Variants in CACNA2D1 observed in about 807,000 individuals in gnomAD.
CACNA2D1 encodes voltage-dependent calcium channel subunit alpha-2/delta-1.
Under a neutral mutation model 171.5 loss-of-function variants are expected in CACNA2D1, and 53 were observed. The ratio of observed to expected loss-of-function variants is 0.31; its 90% CI spans 0.25 to 0.39. The LOEUF (loss-of-function observed/expected upper bound fraction) is 0.39, where lower values mean the gene tolerates loss of function less well. Ranked by LOEUF, CACNA2D1 falls within the 10% of genes least tolerant of loss-of-function variation. CACNA2D1 has a pLI of 1.00. For synonymous variants in CACNA2D1, 442 were observed against 443.1 expected (o/e 1.00, Z 0.03); for missense variants, 903 against 1,299.8 (o/e 0.69, Z 4.69).
At chr7:82,142,230 T>G (rs1439514059) in intron 4 of CACNA2D1, among the ~76,000 whole-genome samples, 6 of 152,234 alleles carry the variant, frequency 3.9e-5, no homozygotes. Context: ...GTTTAGTTAT[T>G]TATTATCTCC....
At chr7:82,316,174 A>G (rs983784115) in intron 3 of CACNA2D1, among the ~76,000 whole-genome samples, 2 of 152,158 alleles carry the variant, frequency 1.3e-5, no homozygotes, top group Admixed American at 1.3e-4. Flanking sequence ...GGTAGTTTTA[A>G]TTATTTTATA....
chr7:82,352,627 G>C (rs908470428), intron 1 of CACNA2D1, among the ~76,000 whole-genome samples: 3 of 152,154 alleles, frequency 2.0e-5, no homozygotes, highest in Admixed American at 6.6e-5. Flanking sequence ...GGGAGGAAGA[G>C]AGAAAACAAC....
intron 3 of CACNA2D1, among the ~76,000 whole-genome samples, chr7:82,208,011 C>T (rs1800185340): frequency 6.6e-6 from 1 of 152,106 alleles, no homozygotes; most frequent in Non-Finnish European, 1.5e-5. Flanking sequence ...CAAATAGCAA[C>T]ATATCACATT....
intron 4 of CACNA2D1, among the ~76,000 whole-genome samples, chr7:82,158,602 C>T (rs114628330): frequency 0.011 from 1,686 of 152,000 alleles, 32 homozygotes; most frequent in African/African-American, 0.038. Flanking sequence ...CCTGAGTCTA[C>T]TCAAAAGCCT....
At position 81,948,562 on chromosome 7, in the gene CACNA2D1, T is replaced by A. The variant is rs1792229034; in HGVS notation, c.*1830A>T. ...GCAAAGCTAAAAACAAAACAAATGT[T>A]ATCTTTTAAGCTACGTTAAATTATT... On this transcript the variant is annotated 3_prime_UTR_variant, in exon 39 of 39. Transcript: ENST00000356860. The A allele has an allele frequency of 6.6e-6, 1 of 151,856 alleles. No homozygotes were observed. The highest frequency in any genetic ancestry group is 6.6e-5 in the Admixed American group (1 of 15,224). The allele number at this position is 151,856 out of a possible 1,614,324, so 9.4% of individuals were successfully genotyped here. A position where few individuals can be genotyped will look rare whatever the true frequency, so the allele number is the denominator to read the frequency against.
At chr7:81,982,702 C>A in intron 23 of CACNA2D1, 75 bp from the exon 24 acceptor site, 1 of 926,732 alleles carries the variant, frequency 1.1e-6, no homozygotes, top group Non-Finnish European at 1.8e-6. Context: ...AATAAGAAGG[C>A]ATGAGAAAGA....
intron 3 of CACNA2D1, among the ~76,000 whole-genome samples, chr7:82,284,807 C>T (rs1054629721): frequency 2.0e-5 from 3 of 152,112 alleles, no homozygotes; most frequent in Non-Finnish European, 4.4e-5. Context: ...AACATTCAGG[C>T]CATAGGAATA....
chr7:82,005,632 GA>G, intron 17 of CACNA2D1, 132 bp downstream of exon 17: 1 of 877,740 alleles, frequency 1.1e-6, no homozygotes, highest in Non-Finnish European at 1.9e-6. Flanking sequence ...TTTTATTTTA[GA>G]GATGCTTTTA....
intron 3 of CACNA2D1, among the ~76,000 whole-genome samples, chr7:82,295,807 C>A (rs1277544470): frequency 6.6e-6 from 1 of 151,770 alleles, no homozygotes; most frequent in Non-Finnish European, 1.5e-5. Context: ...GACACATGAA[C>A]ACGTATGTTT....
chr7:82,031,470 T>G (rs937544411), intron 12 of CACNA2D1, among the ~76,000 whole-genome samples: 1 of 151,952 alleles, frequency 6.6e-6, no homozygotes, highest in African/African-American at 2.4e-5. Flanking sequence ...TTATCAACTT[T>G]TCAAAAGTGG....
At chr7:82,338,008 A>T (rs1028861473) in intron 2 of CACNA2D1, among the ~76,000 whole-genome samples, 11 of 152,182 alleles carry the variant, frequency 7.2e-5, no homozygotes, top group African/African-American at 2.7e-4. Context: ...AGATAGCCAA[A>T]AAAACCATAA....
chr7:82,437,551 A>G (rs1830198255), intron 1 of CACNA2D1, among the ~76,000 whole-genome samples: 4 of 152,150 alleles, frequency 2.6e-5, no homozygotes. Context: ...TTTAGCCAGA[A>G]ATATCCCACA....
intron 4 of CACNA2D1, among the ~76,000 whole-genome samples, chr7:82,140,966 A>G (rs1250759114): frequency 1.1e-5 from 1 of 92,464 alleles, no homozygotes; most frequent in Non-Finnish European, 2.6e-5. Context: ...AAAAAAAAAA[A>G]AAAGAAAAAA....
At chr7:82,402,386 C>A (rs1027244362) in intron 1 of CACNA2D1, among the ~76,000 whole-genome samples, 22 of 151,784 alleles carry the variant, frequency 1.4e-4, no homozygotes, top group African/African-American at 4.8e-4. Flanking sequence ...AGAGCAAGAC[C>A]AGAATGAAGA....
rs10645184 is a variant in CACNA2D1, at chr7:82,295,341, A to ATTTT, written c.294+39790_294+39793dup. 1.4e-3 allele frequency among the ~76,000 whole-genome samples: 204 copies of ATTTT among 145,820 alleles called. 3 individuals carry two copies. The South Asian group carries it at 0.042, about 30-fold the overall frequency. ...GAAAATGTCTAAGAAAGTAGCTTGT[A>ATTTT]TTTTTTTTTTTTTGAGACAGGGTCT... is the stretch of plus-strand genomic sequence containing the variant. On this transcript the variant is annotated intron_variant, in intron 3 of 38. Coordinates refer to ENST00000356860, the MANE Select transcript of CACNA2D1 (RefSeq NM_000722.4).
intron 3 of CACNA2D1, among the ~76,000 whole-genome samples, chr7:82,228,957 C>G (rs1802625858): frequency 6.6e-6 from 1 of 151,958 alleles, no homozygotes; most frequent in Non-Finnish European, 1.5e-5. Flanking sequence ...TCTCTAAGAC[C>G]CTAAGATGAC....
chr7:82,013,514 A>G lies in CACNA2D1; in HGVS notation c.1223-4T>C. 1 of 989,150 alleles carries G rather than the reference A, an allele frequency of 1.0e-6. No homozygotes were observed. Among genetic ancestry groups the G allele is most frequent in the Non-Finnish European group, 1.4e-6 (1 of 699,604 alleles). 61.3% of individuals were successfully genotyped at this position (989,150 alleles called of 1,614,324 possible). ...GAAGGAATTTCATAATAATAACCTG[A>G]AATATACATATATGTTTTTATACAT... On this transcript the variant is annotated splice_polypyrimidine_tract_variant and splice_region_variant and intron_variant, in intron 13 of 38. Transcript: ENST00000356860.
chr7:82,060,198 ATATTATATATATAATAT>A (rs1806587790), intron 10 of CACNA2D1, among the ~76,000 whole-genome samples: 1 of 10,956 alleles, frequency 9.1e-5, no homozygotes, highest in African/African-American at 1.8e-4. Flanking sequence ...TATTATATAT[ATATTATATATATAATAT>A]ATATATAATA....
chr7:82,218,057 C>G (rs1031016073), intron 3 of CACNA2D1, among the ~76,000 whole-genome samples: 1 of 151,876 alleles, frequency 6.6e-6, no homozygotes, highest in Non-Finnish European at 1.5e-5. Flanking sequence ...GCCTCAGCCT[C>G]CTGAGTAGCT....
Sources: gnomAD v4.1 joint callset for allele counts (sites outside exome capture counted in the v4.1 genomes callset) on GRCh38, gnomAD v4.1.1 for gene constraint, MANE v1.5 for transcripts, NCBI Gene and HGNC (gene_info 2026-07-23, HGNC 2026-07-21) for gene names.